The following KCNT2 variants were observed in gnomAD, a reference collection of about 807,000 sequenced individuals.
KCNT2 encodes potassium channel subfamily T member 2.
Under a neutral mutation model 153.8 loss-of-function variants are expected in KCNT2, and 67 were observed. The ratio of observed to expected loss-of-function variants is 0.44; its 90% confidence interval spans 0.36 to 0.53. The LOEUF (loss-of-function observed/expected upper bound fraction) is 0.53. KCNT2 is among the 20% of genes least tolerant of loss of function. The pLI, the probability that KCNT2 is intolerant of heterozygous loss-of-function variation, is 0.00. For missense variants in KCNT2, 975 were observed against 1,354.8 expected, an observed-to-expected ratio of 0.72 and a Z score of 4.40; for synonymous variants, 500 against 458.8, an observed-to-expected ratio of 1.09 and a Z score of -1.15.
At chr1:196,242,957 G>A (rs1475833969) in intron 26 of KCNT2, among the ~76,000 whole-genome samples, 1 of 152,042 alleles carries the variant, frequency 6.6e-6, no homozygotes, top group African/African-American at 2.4e-5. Flanking sequence ...CTAATCCCAA[G>A]TGCACATTCA....
At chr1:196,523,342 T>C (rs1653741044) in intron 1 of KCNT2, among the ~76,000 whole-genome samples, 1 of 152,082 alleles carries the variant, frequency 6.6e-6, no homozygotes, top group Admixed American at 6.5e-5. Flanking sequence ...GGCTTCATTC[T>C]TGAAGTCAGC....
intron 8 of KCNT2, among the ~76,000 whole-genome samples, chr1:196,447,687 A>C (rs1675812250): frequency 6.6e-6 from 1 of 151,614 alleles, no homozygotes; most frequent in Non-Finnish European, 1.5e-5. Flanking sequence ...GGAGGAGTCC[A>C]GATATGCCAA....
Position 196,608,210 on chromosome 1 carries a change from C to T in KCNT2, c.95+5G>A. ...TACAGAACAATCCTCCACCACACCA[C>T]TCACCTGTCGTCGTTTTGCCATCCT... On this transcript the variant is annotated splice_donor_5th_base_variant and intron_variant, in intron 1 of 27. Transcript: ENST00000294725. 6.2e-7 allele frequency: 1 copy of T among 1,613,458 alleles called. No individual in the cohort carries two copies. The highest frequency in any genetic ancestry group is 8.5e-7 in the Non-Finnish European group (1 of 1,179,424).
intron 8 of KCNT2, among the ~76,000 whole-genome samples, chr1:196,449,760 T>C (rs1354760882): frequency 6.6e-6 from 1 of 151,542 alleles, no homozygotes; most frequent in African/African-American, 2.4e-5. Flanking sequence ...AGTTGAAATG[T>C]AAAAATATCT....
At chr1:196,342,420 CTATATATATATA>C (rs71154738) in intron 14 of KCNT2, among the ~76,000 whole-genome samples, 192 bp from the exon 15 acceptor site, 7 of 132,732 alleles carry the variant, frequency 5.3e-5, no homozygotes, top group Middle Eastern at 3.9e-3. Flanking sequence ...ATTTTGAATA[CTATATATATATA>C]TATATATATA....
chr1:196,308,076 G>T (rs1661809967), intron 21 of KCNT2, among the ~76,000 whole-genome samples: 1 of 152,028 alleles, frequency 6.6e-6, no homozygotes, highest in South Asian at 2.1e-4. Context: ...ATAAACTCAT[G>T]CAGACAACAA....
intron 10 of KCNT2, among the ~76,000 whole-genome samples, chr1:196,427,818 G>A (rs1673787490): frequency 6.6e-6 from 1 of 151,872 alleles, no homozygotes. Context: ...CTCTACCCAA[G>A]GGAGAAAAAG....
intron 22 of KCNT2, among the ~76,000 whole-genome samples, chr1:196,294,580 G>A (rs1660510444): frequency 6.6e-6 from 1 of 151,868 alleles, no homozygotes; most frequent in Non-Finnish European, 1.5e-5. Context: ...GGCCAAGACA[G>A]CCATTATGAA....
At chr1:196,388,177 C>T (rs1200036164) in intron 13 of KCNT2, among the ~76,000 whole-genome samples, 1 of 151,598 alleles carries the variant, frequency 6.6e-6, no homozygotes, top group Non-Finnish European at 1.5e-5. Context: ...AAGATTATTG[C>T]CTCTCCAAGG....
chr1:196,533,993 T>TA (rs1251297694), intron 1 of KCNT2, among the ~76,000 whole-genome samples: 2 of 152,066 alleles, frequency 1.3e-5, no homozygotes, highest in Non-Finnish European at 2.9e-5. Context: ...CTGATTAATT[T>TA]AAAATTGGCT....
chr1:196,529,566 T>C (rs925810716), intron 1 of KCNT2, among the ~76,000 whole-genome samples: 2 of 152,078 alleles, frequency 1.3e-5, no homozygotes, highest in African/African-American at 2.4e-5. Flanking sequence ...ATCAAAGAAA[T>C]GGAGGCTTGT....
Position 196,492,351 on chromosome 1 carries a change from GA to G in KCNT2, c.96-11del. 2.2e-6 allele frequency: 3 copies of G among 1,358,538 alleles called. No individual in the cohort carries two copies. Among genetic ancestry groups the G allele is most frequent in the Non-Finnish European group, 2.9e-6 (3 of 1,023,692 alleles). 84.2% of individuals were successfully genotyped at this position (1,358,538 alleles called of 1,614,324 possible). A position where few individuals can be genotyped will look rare whatever the true frequency, so the allele number is the denominator to read the frequency against. ...GAATTCAACTTGTACCCTGCAAACA[GA>G]AAATAAAAACATGTAAATGTATGCA... On this transcript the variant is annotated splice_polypyrimidine_tract_variant and intron_variant, in intron 1 of 27. Coordinates refer to ENST00000294725, the MANE Select transcript of KCNT2 (RefSeq NM_198503.5).
chr1:196,548,482 A>ATG (rs1464655303), intron 1 of KCNT2, among the ~76,000 whole-genome samples: 96 of 151,942 alleles, frequency 6.3e-4, no homozygotes, highest in Non-Finnish European at 1.0e-3. Context: ...TTAGAATGGC[A>ATG]ATCATTAAAA....
At chr1:196,548,522 T>C (rs908215853) in intron 1 of KCNT2, among the ~76,000 whole-genome samples, 2 of 151,958 alleles carry the variant, frequency 1.3e-5, no homozygotes, top group African/African-American at 4.8e-5. Flanking sequence ...CTGGAGAGGA[T>C]GTGGAGAAAT....
chr1:196,478,099 C>T (rs1160255342), intron 5 of KCNT2, among the ~76,000 whole-genome samples: 1 of 152,256 alleles, frequency 6.6e-6, no homozygotes, highest in East Asian at 1.9e-4. Context: ...ATTTCCAGTC[C>T]TTCAAACTTA....
At position 196,593,311 on chromosome 1, in the gene KCNT2, T is replaced by TATACACACAC. The variant is rs1256165838; in HGVS notation, c.95+14903_95+14904insGTGTGTGTAT. On this transcript the variant is annotated intron_variant, in intron 1 of 27. Transcript: ENST00000294725. Reference sequence around the variant, plus strand: ...CATATATATAATATATATATATATATACACACACACACACACACACACACA... The same window carrying TATACACACAC: ...CATATATATAATATATATATATATATATACACACACACACACACACACACACACACACACA... Among the ~76,000 whole-genome samples the TATACACACAC allele has an allele frequency of 4.8e-3, 666 of 140,194 alleles. 5 individuals are homozygous for TATACACACAC. The highest frequency in any genetic ancestry group is 0.017 in the African/African-American group (601 of 35,728). 92.0% of individuals were successfully genotyped at this position (140,194 alleles called of 152,430 possible).
At chr1:196,439,005 T>G (rs1281521431) in intron 8 of KCNT2, among the ~76,000 whole-genome samples, 1 of 151,804 alleles carries the variant, frequency 6.6e-6, no homozygotes, top group Non-Finnish European at 1.5e-5. Flanking sequence ...AGTATACCTA[T>G]TTTTTTAAAG....
intron 26 of KCNT2, among the ~76,000 whole-genome samples, chr1:196,239,030 C>T (rs1353624717): frequency 1.3e-5 from 2 of 151,748 alleles, no homozygotes; most frequent in South Asian, 2.1e-4. Context: ...CTTCAAGATC[C>T]TATCAATTAT....
At chr1:196,306,536 T>G (rs554226951) in intron 21 of KCNT2, among the ~76,000 whole-genome samples, 1 of 152,224 alleles carries the variant, frequency 6.6e-6, no homozygotes, top group African/African-American at 2.4e-5. Context: ...TGATGGATGA[T>G]TTGCCAGGAA....
Sources: gnomAD v4.1 joint callset for allele counts (sites outside exome capture counted in the v4.1 genomes callset) on GRCh38, gnomAD v4.1.1 for gene constraint, MANE v1.5 for transcripts, NCBI Gene and HGNC (gene_info 2026-07-23, HGNC 2026-07-21) for gene names.